Variants in TENM3 observed in about 807,000 individuals in gnomAD.
The protein encoded by TENM3 is teneurin transmembrane protein 3.
TENM3 carries 63 observed loss-of-function variants against 255.1 expected under a neutral mutation model. The observed-to-expected ratio is 0.25, with a 90% CI of 0.20 to 0.30. The LOEUF is 0.30. Ranked by LOEUF, TENM3 falls within the 10% of genes least tolerant of loss-of-function variation. TENM3 has a pLI of 1.00. For missense variants in TENM3, 2,929 were observed against 3,461.1 expected, an observed-to-expected ratio of 0.85 and a Z score of 3.86; for synonymous variants, 1,306 against 1,322.3, an observed-to-expected ratio of 0.99 and a Z score of 0.27.
At chr4:182,007,568 T>C in the TENM3 span, among the ~76,000 whole-genome samples, 1 of 152,174 alleles carries the variant, frequency 6.6e-6, no homozygotes, top group Non-Finnish European at 1.5e-5. Context: ...TTGTTTTCCA[T>C]TTGCTTGGTA....
the TENM3 span, among the ~76,000 whole-genome samples, chr4:182,069,521 G>A: frequency 1.3e-5 from 2 of 151,976 alleles, no homozygotes; most frequent in African/African-American, 4.8e-5. Flanking sequence ...ACTAGAATAT[G>A]CACCCCATTT....
chr4:182,131,561 T>C, the TENM3 span, among the ~76,000 whole-genome samples: 1 of 152,230 alleles, frequency 6.6e-6, no homozygotes, highest in Non-Finnish European at 1.5e-5. Flanking sequence ...CTGCTCTGGT[T>C]TCAGTTATTT....
chr4:182,058,445 T>A, the TENM3 span, among the ~76,000 whole-genome samples: 2 of 152,178 alleles, frequency 1.3e-5, no homozygotes, highest in East Asian at 1.9e-4. Context: ...TAGCAACTTA[T>A]TACATATATT....
At chr4:182,565,275 A>G (rs1743661462) in intron 3 of TENM3, among the ~76,000 whole-genome samples, 1 of 152,192 alleles carries the variant, frequency 6.6e-6, no homozygotes, top group African/African-American at 2.4e-5. Flanking sequence ...AGAACCGAAG[A>G]ACTGAGAAGG....
intron 3 of TENM3, among the ~76,000 whole-genome samples, chr4:182,442,157 G>A (rs1442843141): frequency 6.6e-6 from 1 of 152,088 alleles, no homozygotes; most frequent in South Asian, 2.1e-4. Context: ...CCACAATGAT[G>A]CATAAATATA....
At chr4:181,780,151 C>G in the TENM3 span, among the ~76,000 whole-genome samples, 1 of 152,316 alleles carries the variant, frequency 6.6e-6, no homozygotes, top group African/African-American at 2.4e-5. Flanking sequence ...GGTATATCCC[C>G]AGTAATGGGA....
the TENM3 span, among the ~76,000 whole-genome samples, chr4:181,570,323 G>T: frequency 6.6e-6 from 1 of 152,068 alleles, no homozygotes; most frequent in African/African-American, 2.4e-5. Context: ...GGGATTACAG[G>T]CGTGACCTAC....
chr4:181,958,916 A>G, the TENM3 span, among the ~76,000 whole-genome samples: 1 of 152,196 alleles, frequency 6.6e-6, no homozygotes, highest in Non-Finnish European at 1.5e-5. Context: ...GAGAATGTAT[A>G]TAAACGTATT....
At chr4:181,710,740 G>C in the TENM3 span, among the ~76,000 whole-genome samples, 1 of 151,844 alleles carries the variant, frequency 6.6e-6, no homozygotes, top group Admixed American at 6.6e-5. Context: ...GTGAGAACGG[G>C]GTCTCGCTAT....
intron 13 of TENM3, among the ~76,000 whole-genome samples, chr4:182,718,443 C>T (rs977406602): frequency 3.9e-5 from 6 of 152,138 alleles, no homozygotes; most frequent in African/African-American, 1.4e-4. Flanking sequence ...GCCTCACTCT[C>T]GTTGGTCTGA....
intron 22 of TENM3, among the ~76,000 whole-genome samples, chr4:182,761,013 G>C (rs1400566487): frequency 1.3e-5 from 2 of 151,102 alleles, no homozygotes; most frequent in African/African-American, 4.8e-5. Flanking sequence ...GAAAAGTTAT[G>C]CCCATTCTTG....
intron 3 of TENM3, among the ~76,000 whole-genome samples, chr4:182,559,127 A>ATTTTTTTTT (rs70956518): frequency 2.8e-5 from 3 of 107,480 alleles, no homozygotes; most frequent in Non-Finnish European, 5.5e-5. Flanking sequence ...ATTCCTCGGG[A>ATTTTTTTTT]TTTTTTTTTT....
the TENM3 span, among the ~76,000 whole-genome samples, chr4:181,946,534 A>G: frequency 6.6e-6 from 1 of 152,116 alleles, no homozygotes; most frequent in East Asian, 1.9e-4. Flanking sequence ...CATTCATCAC[A>G]TTCCATTTTA....
the TENM3 span, among the ~76,000 whole-genome samples, chr4:181,886,954 C>A: frequency 6.6e-6 from 1 of 152,062 alleles, no homozygotes; most frequent in Admixed American, 6.6e-5. Context: ...ATTGAGCCAA[C>A]GTAAATAAAA....
the TENM3 span, among the ~76,000 whole-genome samples, chr4:181,908,709 A>G: frequency 6.6e-6 from 1 of 152,218 alleles, no homozygotes; most frequent in African/African-American, 2.4e-5. Context: ...ATGATATTTT[A>G]ATATGCATTT....
At chr4:182,470,095 AC>A (rs1364171118) in intron 3 of TENM3, among the ~76,000 whole-genome samples, 28 of 152,212 alleles carry the variant, frequency 1.8e-4, no homozygotes, top group African/African-American at 6.8e-4. Context: ...TTAAAAAAGT[AC>A]GAAACCATTT....
At chr4:182,771,452 A>G (rs1048513818) in intron 22 of TENM3, among the ~76,000 whole-genome samples, 22 of 148,120 alleles carry the variant, frequency 1.5e-4, no homozygotes, top group African/African-American at 4.9e-4. Context: ...TGAGAGCCAG[A>G]TCAAATCAGC....
intron 3 of TENM3, among the ~76,000 whole-genome samples, chr4:182,559,127 ATTTTTTTTT>A (rs70956518): frequency 1.1e-3 from 119 of 107,464 alleles, no homozygotes; most frequent in South Asian, 3.0e-3. Flanking sequence ...ATTCCTCGGG[ATTTTTTTTT>A]TTTTTTTTTT....
chr4:181,519,090 A>G, the TENM3 span, among the ~76,000 whole-genome samples: 3 of 152,354 alleles, frequency 2.0e-5, no homozygotes, highest in East Asian at 3.9e-4. Context: ...AGCTTTGACA[A>G]AGGAGATTGT....
Sources: gnomAD v4.1 joint callset for allele counts (sites outside exome capture counted in the v4.1 genomes callset) on GRCh38, gnomAD v4.1.1 for gene constraint, MANE v1.5 for transcripts, NCBI Gene and HGNC (gene_info 2026-07-23, HGNC 2026-07-21) for gene names.